The following ZNHIT6 variants were observed in gnomAD, a reference collection of about 807,000 sequenced individuals.
ZNHIT6 encodes the protein zinc finger HIT-type containing 6.
A neutral mutation model predicts 57.2 loss-of-function variants in ZNHIT6; 45 were observed. The ratio of observed to expected loss-of-function variants is 0.79; its 90% confidence interval spans 0.62 to 1.01. ZNHIT6 has a LOEUF of 1.01. Ranked by LOEUF, ZNHIT6 falls within the 50% of genes least tolerant of loss-of-function variation. ZNHIT6 has a pLI of 0.00. For synonymous variants in ZNHIT6, 188 were observed against 190.0 expected (o/e 0.99, Z 0.09); for missense variants, 528 against 567.3 (o/e 0.93, Z 0.70).
At chr1:85,701,460 CCTGTTCTCTT>C (rs1662527106) in intron 5 of ZNHIT6, among the ~76,000 whole-genome samples, 2 of 152,316 alleles carry the variant, frequency 1.3e-5, no homozygotes, top group Admixed American at 1.3e-4. Flanking sequence ...ACTTTGGGAT[CCTGTTCTCTT>C]CTGTACTCTT....
chr1:85,695,018 CT>C (rs2100707314), intron 5 of ZNHIT6, among the ~76,000 whole-genome samples: 1 of 152,152 alleles, frequency 6.6e-6, no homozygotes, highest in African/African-American at 2.4e-5. Context: ...AATCCCAGCA[CT>C]TTGGGAGGCT....
In ZNHIT6 at chr1:85,668,492, G is replaced by A. The variant is rs536417223; in HGVS notation, c.1247+8744C>T. Among the ~76,000 whole-genome samples, 29 of 152,218 alleles carry A rather than the reference G, an allele frequency of 1.9e-4. No homozygotes were observed. In the East Asian group the frequency reaches 4.6e-3, roughly 24 times the overall value. ...GGGGATCTTAGGCAGAAATGTCTCT[G>A]GCTGTTTACATAAGAAAAGACATCT... On this transcript the variant is annotated intron_variant, in intron 8 of 9. Coordinates refer to ENST00000370574, the MANE Select transcript of ZNHIT6 (RefSeq NM_017953.4).
At chr1:85,692,826 AAT>A (rs2100703630) in intron 5 of ZNHIT6, among the ~76,000 whole-genome samples, 1 of 152,330 alleles carries the variant, frequency 6.6e-6, no homozygotes, top group East Asian at 1.9e-4. Context: ...ATATTACTGC[AAT>A]ATAATAAGGA....
chr1:85,685,993 G>A (rs367596283), intron 5 of ZNHIT6, among the ~76,000 whole-genome samples: 33 of 144,692 alleles, frequency 2.3e-4, no homozygotes, highest in African/African-American at 5.1e-4. Flanking sequence ...ATGGAGTCTC[G>A]CTCTGTCGCC....
intron 5 of ZNHIT6, among the ~76,000 whole-genome samples, chr1:85,690,507 G>A (rs1322970648): frequency 1.3e-5 from 2 of 152,146 alleles, no homozygotes; most frequent in South Asian, 4.1e-4. Flanking sequence ...TGCTCTCAGT[G>A]AGTAACACTT....
chr1:85,667,087 T>C (rs1267981169), intron 8 of ZNHIT6, among the ~76,000 whole-genome samples: 3 of 152,156 alleles, frequency 2.0e-5, no homozygotes, highest in South Asian at 4.1e-4. Flanking sequence ...ATTATGATTA[T>C]TTATGGTGCT....
intron 5 of ZNHIT6, among the ~76,000 whole-genome samples, chr1:85,691,858 C>A (rs1662230700): frequency 6.6e-6 from 1 of 151,994 alleles, no homozygotes; most frequent in Non-Finnish European, 1.5e-5. Context: ...TAACTACAGC[C>A]TGGGTGACAG....
At chr1:85,687,306 A>AAAAAAAAAAAAAAAATT (rs1662087816) in intron 5 of ZNHIT6, among the ~76,000 whole-genome samples, 1 of 144,406 alleles carries the variant, frequency 6.9e-6, no homozygotes, top group Non-Finnish European at 1.5e-5. Context: ...AAACAAAAAA[A>AAAAAAAAAAAAAAAATT]AAAAACAATT....
At chr1:85,674,421 C>T (rs1661646809) in intron 8 of ZNHIT6, among the ~76,000 whole-genome samples, 1 of 152,124 alleles carries the variant, frequency 6.6e-6, no homozygotes, top group Non-Finnish European at 1.5e-5. Flanking sequence ...AGGCATGAGC[C>T]ACAGGCACCC....
chr1:85,678,821 T>G (rs531534554), intron 6 of ZNHIT6, 40 bp from the exon 7 acceptor site: 1 of 1,141,358 alleles, frequency 8.8e-7, no homozygotes, highest in East Asian at 2.8e-5. Flanking sequence ...TATTAGTATT[T>G]ATAATTTTCT....
intron 9 of ZNHIT6, 46 bp from the exon 10 acceptor site, chr1:85,654,144 T>C: frequency 1.9e-6 from 3 of 1,556,136 alleles, no homozygotes; most frequent in Non-Finnish European, 2.6e-6. Context: ...TATATTTTTC[T>C]GTTTAGGTTG....
At chr1:85,682,392 G>C (rs997704833) in intron 5 of ZNHIT6, among the ~76,000 whole-genome samples, 1 of 151,542 alleles carries the variant, frequency 6.6e-6, no homozygotes, top group African/African-American at 2.4e-5. Context: ...TTAACTTAGG[G>C]AAAAAAAGGA....
intron 5 of ZNHIT6, among the ~76,000 whole-genome samples, chr1:85,682,320 G>A (rs556844412): frequency 1.1e-3 from 162 of 151,358 alleles, no homozygotes; most frequent in Non-Finnish European, 2.0e-3. Flanking sequence ...CACCGCACCC[G>A]GCCTCATTTT....
intron 7 of ZNHIT6, 57 bp from the exon 8 acceptor site, chr1:85,677,370 G>T: frequency 7.1e-7 from 1 of 1,412,770 alleles, no homozygotes; most frequent in Non-Finnish European, 9.8e-7. Flanking sequence ...TTTCAAGATA[G>T]TCTTATGGAG....
At chr1:85,667,576 G>A (rs1242326728) in intron 8 of ZNHIT6, among the ~76,000 whole-genome samples, 1 of 150,602 alleles carries the variant, frequency 6.6e-6, no homozygotes, top group Non-Finnish European at 1.5e-5. Context: ...CACCCTTAAG[G>A]AAATTCACTA....
chr1:85,684,653 C>T (rs1305961785), intron 5 of ZNHIT6, among the ~76,000 whole-genome samples: 1 of 152,156 alleles, frequency 6.6e-6, no homozygotes, highest in Non-Finnish European at 1.5e-5. Flanking sequence ...CACTTATTTA[C>T]CAACACTTGC....
At chr1:85,667,792 G>A (rs1661412755) in intron 8 of ZNHIT6, among the ~76,000 whole-genome samples, 1 of 149,794 alleles carries the variant, frequency 6.7e-6, no homozygotes, top group African/African-American at 2.5e-5. Flanking sequence ...AAATTAGCCA[G>A]GTGTGGTAGT....
intron 5 of ZNHIT6, among the ~76,000 whole-genome samples, chr1:85,701,044 G>A (rs1025771326): frequency 2.0e-5 from 3 of 152,004 alleles, no homozygotes; most frequent in Admixed American, 6.6e-5. Context: ...TGGCCTCAAG[G>A]GATCCACCTG....
At chr1:85,679,563 G>GTTTTTTTTTTTTTTTTTTTTTTTTTT (rs35523771) in intron 6 of ZNHIT6, among the ~76,000 whole-genome samples, 1 of 135,274 alleles carries the variant, frequency 7.4e-6, no homozygotes. Flanking sequence ...ACATTAAAAT[G>GTTTTTTTTTTTTTTTTTTTTTTTTTT]TTTTTTTTTT....
Sources: gnomAD v4.1 joint callset for allele counts (sites outside exome capture counted in the v4.1 genomes callset) on GRCh38, gnomAD v4.1.1 for gene constraint, MANE v1.5 for transcripts, NCBI Gene and HGNC (gene_info 2026-07-23, HGNC 2026-07-21) for gene names.